Variants in MBD5 observed in about 807,000 individuals in gnomAD.
MBD5 encodes the protein methyl-CpG binding domain protein 5.
MBD5 carries 13 observed loss-of-function variants against 117.3 expected under a neutral mutation model. That is an observed-to-expected ratio of 0.11 (90% CI 0.07 to 0.18). MBD5 has a LOEUF of 0.18. Ranked by LOEUF, MBD5 falls within the 10% of genes least tolerant of loss-of-function variation. The pLI is 1.00. For synonymous variants in MBD5, 727 were observed against 766.4 expected (o/e 0.95, Z 0.85); for missense variants, 1,879 against 2,093.8 (o/e 0.90, Z 2.00).
chr2:148,185,929 G>T (rs749511286), intron 2 of MBD5, among the ~76,000 whole-genome samples: 1 of 152,094 alleles, frequency 6.6e-6, no homozygotes, highest in East Asian at 1.9e-4. Flanking sequence ...GTTTGCGTAG[G>T]ATAGTTTTTA....
At chr2:148,328,109 G>A (rs1232011726) in intron 3 of MBD5, among the ~76,000 whole-genome samples, 2 of 152,184 alleles carry the variant, frequency 1.3e-5, no homozygotes, top group Non-Finnish European at 2.9e-5. Context: ...CGTGTGAGGT[G>A]TCAGTCTGCC....
intron 3 of MBD5, among the ~76,000 whole-genome samples, chr2:148,239,057 T>C (rs1008144817): frequency 2.6e-5 from 4 of 151,666 alleles, no homozygotes; most frequent in Non-Finnish European, 5.9e-5. Flanking sequence ...TGTGTATATA[T>C]GTGTGTGTAT....
intron 4 of MBD5, among the ~76,000 whole-genome samples, chr2:148,415,941 T>C (rs973681173): frequency 1.3e-5 from 2 of 152,198 alleles, no homozygotes; most frequent in Admixed American, 6.5e-5. Context: ...TTCTGAGTCA[T>C]ATTCTGAGCT....
intron 1 of MBD5, among the ~76,000 whole-genome samples, chr2:148,125,409 A>G (rs992195755): frequency 3.9e-5 from 6 of 152,232 alleles, no homozygotes; most frequent in African/African-American, 1.2e-4. Context: ...TTACTATTAA[A>G]TATACATTAT....
intron 3 of MBD5, among the ~76,000 whole-genome samples, chr2:148,247,643 A>G (rs569064311): frequency 1.0e-4 from 13 of 127,174 alleles, no homozygotes; most frequent in African/African-American, 3.1e-4. Context: ...TAAATATTAT[A>G]TAAGAGCCAA....
At chr2:148,062,480 A>G (rs913916675) in intron 1 of MBD5, 2 of 151,978 alleles carry the variant, frequency 1.3e-5, no homozygotes, top group Admixed American at 6.5e-5. Context: ...CTTAAGCATG[A>G]TAAACACTTA....
At chr2:148,056,199 G>C (rs1694859263) in intron 1 of MBD5, 1 of 151,860 alleles carries the variant, frequency 6.6e-6, no homozygotes. Context: ...TTATATATTT[G>C]TTTAGAAAGC....
chr2:148,306,659 C>CTAAT, intron 3 of MBD5, among the ~76,000 whole-genome samples: 1 of 152,034 alleles, frequency 6.6e-6, no homozygotes, highest in East Asian at 1.9e-4. Context: ...AACAAAGAAC[C>CTAAT]AGCAATGTTT....
intron 1 of MBD5, among the ~76,000 whole-genome samples, chr2:148,146,332 C>G (rs1019389549): frequency 6.6e-6 from 1 of 152,050 alleles, no homozygotes; most frequent in African/African-American, 2.4e-5. Context: ...GATCATGGCT[C>G]ACTGCAGCCT....
intron 3 of MBD5, among the ~76,000 whole-genome samples, chr2:148,285,321 C>T (rs1190139143): frequency 6.6e-6 from 1 of 152,146 alleles, no homozygotes; most frequent in African/African-American, 2.4e-5. Context: ...AGTTCCAGTG[C>T]ACATACAACC....
chr2:148,223,706 CTTGT>C (rs1699748907), intron 2 of MBD5, among the ~76,000 whole-genome samples: 1 of 151,914 alleles, frequency 6.6e-6, no homozygotes. Context: ...AAAAAACTAA[CTTGT>C]TTATTTCAAT....
intron 2 of MBD5, among the ~76,000 whole-genome samples, chr2:148,215,422 C>G (rs1445427266): frequency 6.6e-6 from 1 of 152,160 alleles, no homozygotes; most frequent in Non-Finnish European, 1.5e-5. Context: ...TGAAAGATAT[C>G]TACTTTGTTC....
Position 148,489,751 on chromosome 2 carries a change from C to T in MBD5, c.4119C>T (p.Val1373=), listed in dbSNP as rs773296595. ...IGDPLNLSSA[V]SAVIHGRNMG... is the part of the protein sequence containing the mutation. ...ACCCATTAAATCTCTCCAGTGCTGT[C>T]AGTGCGGTCATTCATGGACGGAACA... Residue 1373 remains valine (V), a synonymous_variant, in exon 11 of 14, where the codon GTC becomes GTT. Transcript: ENST00000642680. 6.2e-7 allele frequency: 1 copy of T among 1,614,168 alleles called. No individual in the cohort carries two copies. The highest frequency in any genetic ancestry group is 2.2e-5 in the East Asian group (1 of 44,886).
intron 3 of MBD5, among the ~76,000 whole-genome samples, chr2:148,250,158 G>A (rs897711297): frequency 6.6e-6 from 1 of 152,120 alleles, no homozygotes; most frequent in Non-Finnish European, 1.5e-5. Context: ...CATGTCTTTT[G>A]TTGGAACATG....
chr2:148,093,101 G>A (rs1695983298), intron 1 of MBD5, among the ~76,000 whole-genome samples: 1 of 152,012 alleles, frequency 6.6e-6, no homozygotes, highest in Admixed American at 6.5e-5. Flanking sequence ...TAGTAGAACA[G>A]GGTTTCACCA....
chr2:148,029,178 A>T (rs958758565), intron 1 of MBD5, among the ~76,000 whole-genome samples: 2 of 152,118 alleles, frequency 1.3e-5, no homozygotes, highest in African/African-American at 2.4e-5. Context: ...TACTTTTTTT[A>T]AAATTTAGGT....
intron 12 of MBD5, among the ~76,000 whole-genome samples, chr2:148,504,880 G>A (rs1681984625): frequency 6.6e-6 from 1 of 152,298 alleles, no homozygotes; most frequent in Middle Eastern, 3.4e-3. Context: ...GAAGGGCCTA[G>A]TAAGGACCAA....
At position 148,483,725 on chromosome 2, in the gene MBD5, G is replaced by A. The variant is rs977077217; in HGVS notation, c.3134G>A (p.Arg1045Gln). The stretch of plus-strand genomic sequence containing the variant: ...CCAAGCAATCAGTCAGACAACAGCC[G>A]AGCTGAGACCCTTTTAACCAGCCCC... Reference protein sequence around the residue: ...HLPSNQSDNSRAETLLTSPLG... With the variant: ...HLPSNQSDNSQAETLLTSPLG... The change falls in exon 9 of 14, where the codon CGA (arginine) becomes CAA (glutamine). Residue 1045 changes from arginine to glutamine, a missense_variant. Transcript: ENST00000642680. 1.1e-5 allele frequency: 17 copies of A among 1,550,394 alleles called. No homozygotes were observed. In the Middle Eastern group the frequency reaches 5.0e-4, roughly 46 times the overall value.
At position 148,024,447 on chromosome 2, in the gene MBD5, T is replaced by C. The variant is rs1301513733; in HGVS notation, c.-925+2763T>C. Among the ~76,000 whole-genome samples the C allele has an allele frequency of 7.9e-5, 12 of 152,172 alleles. 1 individual carries two copies. The highest frequency in any genetic ancestry group is 7.9e-4 in the Admixed American group (12 of 15,278). Reference sequence around the variant, plus strand: ...CTATGAACTGCCTAAAAACAAACATTTTTGTTTTGTTAACACATCCTTCTA... The same window carrying C: ...CTATGAACTGCCTAAAAACAAACATCTTTGTTTTGTTAACACATCCTTCTA... On this transcript the variant is annotated intron_variant, in intron 1 of 13. Transcript: ENST00000642680.
Sources: gnomAD v4.1 joint callset for allele counts (sites outside exome capture counted in the v4.1 genomes callset) on GRCh38, gnomAD v4.1.1 for gene constraint, MANE v1.5 for transcripts, NCBI Gene and HGNC (gene_info 2026-07-23, HGNC 2026-07-21) for gene names.